Variants in SLITRK3 observed in about 807,000 individuals in gnomAD.
The protein encoded by SLITRK3 is SLIT and NTRK-like protein 3.
Under a neutral mutation model 63.6 loss-of-function variants are expected in SLITRK3, and 16 were observed. The ratio of observed to expected loss-of-function variants is 0.25; its 90% confidence interval spans 0.17 to 0.38. The LOEUF (loss-of-function observed/expected upper bound fraction) is 0.38, where lower values mean the gene tolerates loss of function less well. Ranked by LOEUF, SLITRK3 falls within the 10% of genes least tolerant of loss-of-function variation. The pLI is 1.00. For synonymous variants in SLITRK3, 547 were observed against 451.6 expected, an observed-to-expected ratio of 1.21 and a Z score of -2.68; for missense variants, 1,117 against 1,181.4, an observed-to-expected ratio of 0.95 and a Z score of 0.80.
chr3:165,186,867 A>G lies in SLITRK3; in HGVS notation c.*1030T>C, dbSNP rs1273073626. ...TCTTTTGAATCTTTGTGTGTGAGAG[A>G]GAAAACATTAAAAGTGCTTCCTACA... On this transcript the variant is annotated 3_prime_UTR_variant, in exon 2 of 2. Coordinates refer to ENST00000475390, the MANE Select transcript of SLITRK3 (RefSeq NM_001318810.2). The G allele has an allele frequency of 2.0e-5, 3 of 152,574 alleles. No individual in the cohort carries two copies. Among genetic ancestry groups the G allele is most frequent in the Non-Finnish European group, 4.4e-5 (3 of 68,040 alleles). The allele number at this position is 152,574 out of a possible 1,614,324, so 9.5% of individuals were successfully genotyped here.
rs567829320 is a variant in SLITRK3, at chr3:165,191,329, G to T, written c.-21-478C>A. On this transcript the variant is annotated intron_variant, in intron 1 of 1. Coordinates refer to ENST00000475390, the MANE Select transcript of SLITRK3 (RefSeq NM_001318810.2). ...AGTTATAGGTTTTGATGATTAAAAA[G>T]ACATGATATACTCCAAAATTATTAT... 7.1e-4 allele frequency among the ~76,000 whole-genome samples: 108 copies of T among 152,302 alleles called. 1 individual carries two copies. Among genetic ancestry groups the T allele is most frequent in the African/African-American group, 2.6e-3 (106 of 41,554 alleles).
At chr3:165,192,648 T>A (rs1718276501) in intron 1 of SLITRK3, among the ~76,000 whole-genome samples, 2 of 148,554 alleles carry the variant, frequency 1.3e-5, no homozygotes, top group Admixed American at 1.3e-4. Flanking sequence ...TTGCTGAAGC[T>A]GAAGCAAAAG....
chr3:165,193,270 A>G (rs62282369), intron 1 of SLITRK3, among the ~76,000 whole-genome samples: 14,317 of 137,298 alleles, frequency 0.1, 906 homozygotes, highest in Admixed American at 0.16. Context: ...GGGGGCAGGG[A>G]TAGGCATTTT....
intron 1 of SLITRK3, 46 bp from the exon 2 acceptor site, chr3:165,190,897 T>A: frequency 7.2e-7 from 1 of 1,392,108 alleles, no homozygotes; most frequent in Non-Finnish European, 9.6e-7. Flanking sequence ...TAGTCATATG[T>A]ACTATTTTAA....
intron 1 of SLITRK3, among the ~76,000 whole-genome samples, chr3:165,195,287 A>T (rs1718377343): frequency 6.6e-6 from 1 of 152,134 alleles, no homozygotes; most frequent in Admixed American, 6.6e-5. Context: ...AACACCAGCG[A>T]GCATTCCACT....
Position 165,187,674 on chromosome 3 carries a change from T to A in SLITRK3, c.*223A>T. 1 of 414,676 alleles carries A rather than the reference T, an allele frequency of 2.4e-6. No individual in the cohort carries two copies. Among genetic ancestry groups the A allele is most frequent in the Non-Finnish European group, 4.3e-6 (1 of 233,832 alleles). 25.7% of individuals were successfully genotyped at this position (414,676 alleles called of 1,614,324 possible). On this transcript the variant is annotated 3_prime_UTR_variant, in exon 2 of 2. Coordinates refer to ENST00000475390, the MANE Select transcript of SLITRK3 (RefSeq NM_001318810.2). Reference sequence around the variant, plus strand: ...GCAAAAGTCTGCGAAGGCACTTTCATTGATTAATGATCTGAGTATGGCCCT... The same window carrying A: ...GCAAAAGTCTGCGAAGGCACTTTCAATGATTAATGATCTGAGTATGGCCCT...
At chr3:165,194,661 G>A (rs2108211879) in intron 1 of SLITRK3, among the ~76,000 whole-genome samples, 1 of 152,150 alleles carries the variant, frequency 6.6e-6, no homozygotes, top group Middle Eastern at 3.4e-3. Flanking sequence ...CCAATGTGCA[G>A]AGGCGGTGAC....
rs1315212620 is a variant in SLITRK3, at chr3:165,188,732, C to G, written c.2099G>C (p.Gly700Ala). The change falls in exon 2 of 2, where the codon GGC (glycine) becomes GCC (alanine). Residue 700 changes from glycine (G) to alanine (A), a missense_variant. Physicochemically the swap from Gly to Ala is moderately conservative, Grantham distance 60. Coordinates refer to ENST00000475390, the MANE Select transcript of SLITRK3 (RefSeq NM_001318810.2). ...CAGCCTGTGGCATTGCATTTGGATG[C>G]CAGTAAGGTCCACACCTTCCTGCCG... ...SKRQEGVDLT[G>A]IQMQCHRLFE... 2 of 1,614,158 alleles carry G rather than the reference C, an allele frequency of 1.2e-6. No individual in the cohort carries two copies. The highest frequency in any genetic ancestry group is 2.2e-5 in the East Asian group (1 of 44,846).
At position 165,190,327 on chromosome 3, in the gene SLITRK3, T is replaced by C; in HGVS notation, c.504A>G (p.Ala168=). 6.2e-7 allele frequency: 1 copy of C among 1,614,196 alleles called. No homozygotes were observed. Among genetic ancestry groups the C allele is most frequent in the Non-Finnish European group, 8.5e-7 (1 of 1,180,036 alleles). Residue 168 remains alanine (A), a synonymous_variant, in exon 2 of 2, where the codon GCA becomes GCG. Coordinates refer to ENST00000475390, the MANE Select transcript of SLITRK3 (RefSeq NM_001318810.2). Reference sequence around the variant, plus strand: ...CCCTCAATTTACTTAGGTTCCGAAATGCCCCACTCTCAATACGTTTAATGA... The same window carrying C: ...CCCTCAATTTACTTAGGTTCCGAAACGCCCCACTCTCAATACGTTTAATGA... ...YNVIKRIESG[A]FRNLSKLRVL...
chr3:165,190,874 G>A, intron 1 of SLITRK3, 23 bp from the exon 2 acceptor site: 1 of 1,502,438 alleles, frequency 6.7e-7, no homozygotes, highest in Non-Finnish European at 8.9e-7. Context: ...TAAAAATGCA[G>A]ATTTTTAGCT....
intron 1 of SLITRK3, among the ~76,000 whole-genome samples, chr3:165,191,436 C>T (rs1718223532): frequency 1.3e-5 from 2 of 152,144 alleles, no homozygotes; most frequent in Admixed American, 1.3e-4. Flanking sequence ...CTCAGGAAAA[C>T]TTAAGATTTA....
chr3:165,190,008 T>C lies in SLITRK3; in HGVS notation c.823A>G (p.Ile275Val). 1 of 1,614,154 alleles carries C rather than the reference T, an allele frequency of 6.2e-7. No homozygotes were observed. The highest frequency in any genetic ancestry group is 8.5e-7 in the Non-Finnish European group (1 of 1,180,032). ...AAGGGACAGAGTTCTGTCTTCCTGA[T>C]TTCTCGTAGGTCCTTTCCATGGAAG... The part of the protein sequence containing the change: ...FHFHGKDLRE[I>V]RKTELCPLLS... The change falls in exon 2 of 2, where the codon ATC (isoleucine) becomes GTC (valine). Residue 275 changes from isoleucine to valine, a missense_variant. Transcript: ENST00000475390.
In SLITRK3 at chr3:165,188,150, G is replaced by C. The variant is rs757850183; in HGVS notation, c.2681C>G (p.Pro894Arg). 10 of 1,613,624 alleles carry C rather than the reference G, an allele frequency of 6.2e-6. No homozygotes were observed. Among genetic ancestry groups the C allele is most frequent in the Admixed American group, 1.7e-5 (1 of 59,960 alleles). ...ACAGTCCACAAATCCCACTGTGCAGGGGGCAGGCTGTGGCCTCTCTCGATC... is the reference window on the plus strand; with the variant it reads ...ACAGTCCACAAATCCCACTGTGCAGCGGGCAGGCTGTGGCCTCTCTCGATC... ...LLDRERPQPAPCTVGFVDCLY... is the reference protein window; with the variant it reads ...LLDRERPQPARCTVGFVDCLY... Residue 894 changes from proline (P) to arginine (R), a missense_variant, in exon 2 of 2, where the codon CCC becomes CGC. Around this residue, in one of 4 missense-constraint regions of SLITRK3, gnomAD observed 499 missense variants for 463.6 expected, o/e 1.08. Coordinates refer to ENST00000475390, the MANE Select transcript of SLITRK3 (RefSeq NM_001318810.2).
rs768486920 is a variant in SLITRK3 at position 165,189,460 on chromosome 3, G to T, written c.1371C>A (p.Asn457Lys). ...TGCCATTAAGGAAGAGGCTCTTTAAGTTGGGCAAGTTGATAAAGGCCCCAT... is the reference window on the plus strand; with the variant it reads ...TGCCATTAAGGAAGAGGCTCTTTAATTTGGGCAAGTTGATAAAGGCCCCAT... ...VQDGAFINLP[N>K]LKSLFLNGND... The change falls in exon 2 of 2, where the codon AAC (asparagine) becomes AAA (lysine). Residue 457 changes from asparagine to lysine, a missense_variant. Transcript: ENST00000475390. This position sits in a 1 kb window ranked among gnomAD's most constrained non-coding sequence, Gnocchi z 4.0. The T allele has an allele frequency of 1.7e-5, 28 of 1,613,266 alleles. No individual in the cohort carries two copies. The highest frequency in any genetic ancestry group is 2.4e-5 in the Non-Finnish European group (28 of 1,180,032).
chr3:165,188,496 C>T lies in SLITRK3; in HGVS notation c.2335G>A (p.Gly779Ser). 1 of 1,613,798 alleles carries T rather than the reference C, an allele frequency of 6.2e-7. No homozygotes were observed. The stretch of plus-strand genomic sequence containing the variant: ...ATTCCCGGTGGTTGTGTCCCTGGAC[C>T]CCCACGTTCTGCACTCCCTGCTTCT... ...AQEAGSAERG[G>S]PGTQPPGMGE... Residue 779 changes from glycine to serine, a missense_variant, in exon 2 of 2, where the codon GGT (glycine) becomes AGT (serine). Gly to Ser is a moderately conservative substitution (Grantham distance 56). Around this residue, in one of 4 missense-constraint regions of SLITRK3, gnomAD observed 499 missense variants for 463.6 expected, o/e 1.08. Transcript: ENST00000475390.
intron 1 of SLITRK3, among the ~76,000 whole-genome samples, chr3:165,192,466 C>CA (rs1033422428): frequency 6.6e-6 from 1 of 150,898 alleles, no homozygotes; most frequent in Non-Finnish European, 1.5e-5. Context: ...ATGGTTTAGG[C>CA]AAAAAAGGCT....
Position 165,189,240 on chromosome 3 carries a change from G to A in SLITRK3, c.1591C>T (p.Arg531Trp), listed in dbSNP as rs964642608. Residue 531 changes from arginine to tryptophan, a missense_variant, in exon 2 of 2, where the codon CGG becomes TGG. Physicochemically the swap from Arg to Trp is moderately radical, Grantham distance 101. Transcript: ENST00000475390. The surrounding 1 kb of genome is among the most constrained non-coding windows in gnomAD (Gnocchi z 4.0). ...AAGTAGTTCTTCCTCAGGTTGAGCC[G>A]GGCCAGGGATGTGCCAGCAAAGGCG... ...TDAFAGTSLA[R>W]LNLRKNYFLY... is the part of the protein sequence containing the mutation. 2 of 1,614,174 alleles carry A rather than the reference G, an allele frequency of 1.2e-6. No homozygotes were observed. Among genetic ancestry groups the A allele is most frequent in the Non-Finnish European group, 1.7e-6 (2 of 1,180,036 alleles).
At position 165,187,464 on chromosome 3, in the gene SLITRK3, A is replaced by G. The variant is rs1717994719; in HGVS notation, c.*433T>C. 6.5e-6 allele frequency: 1 copy of G among 153,066 alleles called. No homozygotes were observed. Among genetic ancestry groups the G allele is most frequent in the Non-Finnish European group, 1.4e-5 (1 of 69,110 alleles). 9.5% of individuals were successfully genotyped at this position (153,066 alleles called of 1,614,324 possible). On this transcript the variant is annotated 3_prime_UTR_variant, in exon 2 of 2. Coordinates refer to ENST00000475390, the MANE Select transcript of SLITRK3 (RefSeq NM_001318810.2). The stretch of plus-strand genomic sequence containing the variant: ...ATAAGAAAGAAAGCCACAAATGACA[A>G]ATGTCAACTTGTTTCCCCCCCTTTA...
chr3:165,194,164 GGC>G (rs1469917191), intron 1 of SLITRK3, among the ~76,000 whole-genome samples: 17 of 152,246 alleles, frequency 1.1e-4, no homozygotes, highest in African/African-American at 3.9e-4. Context: ...GAGGGGAGAA[GGC>G]AGGGACTTTT....
Sources: allele counts gnomAD v4.1 joint callset (sites outside exome capture counted in the v4.1 genomes callset), GRCh38; gene constraint gnomAD v4.1.1; regional missense constraint gnomAD v4.1.1; non-coding constraint Gnocchi (gnomAD v3.1); transcripts MANE v1.5; gene names NCBI Gene and HGNC (gene_info 2026-07-23, HGNC 2026-07-21).